The following PPP1R12A variants were observed in gnomAD, a reference collection of about 807,000 sequenced individuals.
PPP1R12A encodes myosin binding subunit.
Under a neutral mutation model 139.6 loss-of-function variants are expected in PPP1R12A, and 19 were observed. The ratio of observed to expected loss-of-function variants is 0.14; its 90% CI spans 0.09 to 0.20. PPP1R12A has a LOEUF of 0.20. Among genes scored for constraint, PPP1R12A ranks in the 10% least tolerant of loss-of-function variants. The pLI, the probability that PPP1R12A is intolerant of heterozygous loss-of-function variation, is 1.00. For missense variants in PPP1R12A, 925 were observed against 1,211.5 expected (o/e 0.76, Z 3.51); for synonymous variants, 427 against 420.6 (o/e 1.02, Z -0.19).
chr12:79,788,505 C>A, intron 21 of PPP1R12A, 143 bp downstream of exon 21: 1 of 731,420 alleles, frequency 1.4e-6, no homozygotes, highest in Non-Finnish European at 2.1e-6. Flanking sequence ...TATTTACATT[C>A]TACTTAACCA....
intron 1 of PPP1R12A, among the ~76,000 whole-genome samples, chr12:79,902,907 T>C (rs1181661861): frequency 6.6e-6 from 1 of 152,092 alleles, no homozygotes; most frequent in Non-Finnish European, 1.5e-5. Flanking sequence ...TCCTCCTCTC[T>C]TTAGATGCAA....
At chr12:79,908,931 AG>A (rs1293387069) in intron 1 of PPP1R12A, among the ~76,000 whole-genome samples, 5 of 152,228 alleles carry the variant, frequency 3.3e-5, no homozygotes, top group African/African-American at 1.2e-4. Context: ...GGATGCATCC[AG>A]GAAGTTTCTG....
At chr12:79,893,983 G>A (rs1884898973) in intron 1 of PPP1R12A, among the ~76,000 whole-genome samples, 1 of 152,120 alleles carries the variant, frequency 6.6e-6, no homozygotes, top group Admixed American at 6.5e-5. Flanking sequence ...CTCTATTCAG[G>A]TAGCAGGAGT....
At chr12:79,831,260 G>C (rs1392983566) in intron 4 of PPP1R12A, among the ~76,000 whole-genome samples, 1 of 152,022 alleles carries the variant, frequency 6.6e-6, no homozygotes, top group Non-Finnish European at 1.5e-5. Context: ...TTAGGAAAAA[G>C]GCCTAAATTA....
intron 1 of PPP1R12A, among the ~76,000 whole-genome samples, chr12:79,900,627 G>A (rs1394224255): frequency 6.6e-6 from 1 of 152,136 alleles, no homozygotes; most frequent in Non-Finnish European, 1.5e-5. Context: ...GGATTTTAAA[G>A]TATTTCCCAA....
chr12:79,934,163 G>C (rs1888480152), intron 1 of PPP1R12A, among the ~76,000 whole-genome samples: 1 of 152,102 alleles, frequency 6.6e-6, no homozygotes, highest in Admixed American at 6.5e-5. Flanking sequence ...CGTTCGTTCA[G>C]GGCACTCGGC....
At chr12:79,854,491 T>C (rs900952147) in intron 2 of PPP1R12A, among the ~76,000 whole-genome samples, 2 of 152,112 alleles carry the variant, frequency 1.3e-5, no homozygotes, top group Non-Finnish European at 2.9e-5. Context: ...GATCCCTTAA[T>C]AAGTTTAATG....
chr12:79,885,593 C>T (rs1884029847), intron 1 of PPP1R12A, among the ~76,000 whole-genome samples: 1 of 151,990 alleles, frequency 6.6e-6, no homozygotes, highest in South Asian at 2.1e-4. Context: ...TTAGGGATTA[C>T]AAACATCCTT....
chr12:79,815,764 C>T (rs1875294000), intron 9 of PPP1R12A, among the ~76,000 whole-genome samples: 1 of 152,110 alleles, frequency 6.6e-6, no homozygotes, highest in Non-Finnish European at 1.5e-5. Context: ...TAGAGAATTT[C>T]TTAACTGAAG....
chr12:79,923,355 C>G (rs1050601067), intron 1 of PPP1R12A, among the ~76,000 whole-genome samples: 8 of 152,116 alleles, frequency 5.3e-5, no homozygotes, highest in African/African-American at 1.9e-4. Context: ...AAATGTTCAT[C>G]AGGAAAGGAC....
intron 1 of PPP1R12A, among the ~76,000 whole-genome samples, chr12:79,889,119 A>G (rs1201650911): frequency 1.3e-5 from 2 of 152,234 alleles, no homozygotes; most frequent in Non-Finnish European, 2.9e-5. Context: ...GCAAAGTGAA[A>G]AGAACAAATG....
Position 79,797,363 on chromosome 12 carries a change from C to G in PPP1R12A, c.2124G>C (p.Glu708Asp). Residue 708 changes from glutamate to aspartate, a missense_variant, in exon 16 of 25, where the codon GAG becomes GAC. By Grantham distance (45) the Glu-to-Asp change is conservative (BLOSUM62 2). Around this residue, in one of 4 missense-constraint regions of PPP1R12A, gnomAD observed 315 missense variants for 363.4 expected, o/e 0.87. Transcript: ENST00000450142. ...GVTLTDLQEA[E>D]KTIGRSRSTR... The stretch of plus-strand genomic sequence containing the variant: ...TAGAACGACTTCTTCCTATTGTTTT[C>G]TCAGCTTCTTGAAGATCAGTTAATG... The G allele has an allele frequency of 6.2e-7, 1 of 1,602,814 alleles. No homozygotes were observed. The highest frequency in any genetic ancestry group is 2.2e-5 in the East Asian group (1 of 44,634).
intron 5 of PPP1R12A, among the ~76,000 whole-genome samples, chr12:79,826,226 T>C (rs898048020): frequency 6.6e-6 from 1 of 151,640 alleles, no homozygotes; most frequent in Admixed American, 6.6e-5. Flanking sequence ...TGTTCCTGAA[T>C]CCAAAAAACT....
intron 1 of PPP1R12A, among the ~76,000 whole-genome samples, chr12:79,929,790 T>A (rs1044379471): frequency 1.3e-5 from 2 of 152,040 alleles, no homozygotes; most frequent in African/African-American, 2.4e-5. Flanking sequence ...AAGATTTTTT[T>A]AAAATCTCAA....
At chr12:79,839,175 A>C (rs1278052927) in intron 3 of PPP1R12A, among the ~76,000 whole-genome samples, 1 of 152,188 alleles carries the variant, frequency 6.6e-6, no homozygotes, top group African/African-American at 2.4e-5. Flanking sequence ...TAACAGCCCT[A>C]CTGGATTTCA....
chr12:79,930,541 G>A (rs1592852288), intron 1 of PPP1R12A, among the ~76,000 whole-genome samples: 1 of 152,164 alleles, frequency 6.6e-6, no homozygotes, highest in Non-Finnish European at 1.5e-5. Context: ...GGGAGGCCGA[G>A]GCAGGTGGAT....
At chr12:79,778,476 C>T (rs1247713676) in intron 24 of PPP1R12A, 74 bp downstream of exon 24, 4 of 1,018,942 alleles carry the variant, frequency 3.9e-6, no homozygotes, top group East Asian at 2.7e-5. Context: ...TTAATGTAAA[C>T]CATATCTATA....
intron 3 of PPP1R12A, 63 bp downstream of exon 3, chr12:79,845,239 T>C: frequency 2.4e-6 from 3 of 1,268,086 alleles, no homozygotes. Context: ...ACAAATATTT[T>C]TGCTGGAAAA....
At chr12:79,935,228 A>C, upstream of PPP1R12A, 1 of 1,251,990 alleles carries the variant, frequency 8.0e-7, no homozygotes, top group Middle Eastern at 3.1e-4. Context: ...GCGCCCTTCG[A>C]CCAGTGCGCA....
Sources: allele counts gnomAD v4.1 joint callset (sites outside exome capture counted in the v4.1 genomes callset), GRCh38; gene constraint gnomAD v4.1.1; regional missense constraint gnomAD v4.1.1; transcripts MANE v1.5; gene names NCBI Gene and HGNC (gene_info 2026-07-23, HGNC 2026-07-21).